FERMT1: variants seen among roughly 807,000 people sequenced by gnomAD.
FERMT1 encodes FERM domain containing kindlin 1, also known as fermitin family homolog 1.
In FERMT1, 60 loss-of-function variants were observed where a neutral mutation model predicts 85.3. That is an observed-to-expected ratio of 0.70 (90% CI 0.57 to 0.87). FERMT1 has a LOEUF of 0.87. Among genes scored for constraint, FERMT1 ranks in the 40% least tolerant of loss-of-function variants. The pLI, the probability that FERMT1 is intolerant of heterozygous loss-of-function variation, is 0.00. For missense variants in FERMT1, 701 were observed against 818.9 expected, an observed-to-expected ratio of 0.86 and a Z score of 1.76; for synonymous variants, 275 against 301.1, an observed-to-expected ratio of 0.91 and a Z score of 0.90.
At chr20:6,115,714 T>C (rs1261197349) in intron 3 of FERMT1, 97 bp downstream of exon 3, 1 of 915,838 alleles carries the variant, frequency 1.1e-6, no homozygotes, top group African/African-American at 1.6e-5. Flanking sequence ...GTGAGTGTTC[T>C]GTAGCAATTA....
At chr20:6,121,339 C>T (rs1182451148) in intron 1 of FERMT1, among the ~76,000 whole-genome samples, 1 of 152,194 alleles carries the variant, frequency 6.6e-6, no homozygotes, top group Non-Finnish European at 1.5e-5. Flanking sequence ...CCAGGCTGGT[C>T]TTGAACTCCT....
intron 2 of FERMT1, among the ~76,000 whole-genome samples, chr20:6,117,941 C>T (rs1018092723): frequency 6.6e-5 from 10 of 152,226 alleles, no homozygotes; most frequent in Admixed American, 3.9e-4. Flanking sequence ...GGATTACAGG[C>T]GTGAGCCACT....
Position 6,076,821 on chromosome 20 carries a change from A to T in FERMT1, c.*352T>A. The T allele has an allele frequency of 2.6e-6, 1 of 384,850 alleles. No homozygotes were observed. The highest frequency in any genetic ancestry group is 4.9e-6 in the Non-Finnish European group (1 of 203,582). 23.8% of individuals were successfully genotyped at this position (384,850 alleles called of 1,614,324 possible). On this transcript the variant is annotated 3_prime_UTR_variant, in exon 15 of 15. Transcript: ENST00000217289. ...TTTCTGTCTTCTCCATTGACTTAGTAATGAGACAGATCAGCACGAGGATAA... is the reference window on the plus strand; with the variant it reads ...TTTCTGTCTTCTCCATTGACTTAGTTATGAGACAGATCAGCACGAGGATAA...
intron 11 of FERMT1, among the ~76,000 whole-genome samples, chr20:6,086,823 C>G (rs747655799): frequency 1.3e-5 from 2 of 152,118 alleles, no homozygotes; most frequent in Non-Finnish European, 2.9e-5. Flanking sequence ...TGAGGCCTCC[C>G]CAGCCATGCC....
At chr20:6,078,277 A>C (rs1180568552) in intron 14 of FERMT1, among the ~76,000 whole-genome samples, 1 of 152,202 alleles carries the variant, frequency 6.6e-6, no homozygotes, top group Admixed American at 6.5e-5. Context: ...ACCGCCTTAG[A>C]GGTCATCTAA....
At chr20:6,084,007 A>C (rs375462501) in intron 13 of FERMT1, 33 bp downstream of exon 13, 2 of 1,613,854 alleles carry the variant, frequency 1.2e-6, no homozygotes, top group South Asian at 2.2e-5. Context: ...AATTGAATGG[A>C]AAGTGTGAGA....
In FERMT1 at chr20:6,084,073, A is replaced by G; in HGVS notation, c.1685T>C (p.Leu562Pro). The G allele has an allele frequency of 6.2e-7, 1 of 1,614,158 alleles. No homozygotes were observed. The highest frequency in any genetic ancestry group is 8.5e-7 in the Non-Finnish European group (1 of 1,180,014). The part of the protein sequence containing the change: ...KLRFIQAWQS[L>P]PEFGLTYYLV... ...GTAGTAGGTGAGGCCAAACTCAGGC[A>G]GTGACTGCCACGCCTGGATGAACCG... Residue 562 changes from leucine (L) to proline (P), a missense_variant, in exon 13 of 15, where the codon CTG becomes CCG. By Grantham distance (98) the Leu-to-Pro change is moderately conservative. Coordinates refer to ENST00000217289, the MANE Select transcript of FERMT1 (RefSeq NM_017671.5).
Position 6,077,077 on chromosome 20 carries a change from A to T in FERMT1, c.*96T>A. 8.3e-7 allele frequency: 1 copy of T among 1,201,322 alleles called. No homozygotes were observed. Among genetic ancestry groups the T allele is most frequent in the South Asian group, 1.2e-5 (1 of 82,276 alleles). 74.4% of individuals were successfully genotyped at this position (1,201,322 alleles called of 1,614,324 possible). Reference sequence around the variant, plus strand: ...CAGCGGTGAATGTATGTTGTCTGTTAGTCCAGAATCTACATGCTGGGCACG... The same window carrying T: ...CAGCGGTGAATGTATGTTGTCTGTTTGTCCAGAATCTACATGCTGGGCACG... On this transcript the variant is annotated 3_prime_UTR_variant, in exon 15 of 15. Transcript: ENST00000217289.
At chr20:6,086,929 C>G (rs1000234913) in intron 11 of FERMT1, among the ~76,000 whole-genome samples, 1 of 152,070 alleles carries the variant, frequency 6.6e-6, no homozygotes, top group Non-Finnish European at 1.5e-5. Context: ...GACTAATACA[C>G]CCCCCACCAC....
intron 12 of FERMT1, among the ~76,000 whole-genome samples, chr20:6,084,408 G>A (rs76797285): frequency 6.6e-6 from 1 of 152,240 alleles, no homozygotes; most frequent in African/African-American, 2.4e-5. Flanking sequence ...AGAGCTCTGG[G>A]GTCCCTCTGT....
At chr20:6,085,907 G>A (rs562496057) in intron 11 of FERMT1, among the ~76,000 whole-genome samples, 1 of 151,886 alleles carries the variant, frequency 6.6e-6, no homozygotes, top group Non-Finnish European at 1.5e-5. Flanking sequence ...TTGGGAGGCC[G>A]AGGCGGGTGG....
rs760256639 is a variant in FERMT1 at position 6,084,038 on chromosome 20, A to G, written c.1718+2T>C. The G allele has an allele frequency of 9.3e-6, 15 of 1,614,188 alleles. No homozygotes were observed. In the South Asian group the frequency reaches 1.5e-4, roughly 17 times the overall value. ...TGAGAAACAAGTGAACATTGTAATCACCTGACAAGGTAGTAGGTGAGGCCA... is the reference window on the plus strand; with the variant it reads ...TGAGAAACAAGTGAACATTGTAATCGCCTGACAAGGTAGTAGGTGAGGCCA... On this transcript the variant is annotated splice_donor_variant, in intron 13 of 14. Transcript: ENST00000217289. LOFTEE classifies it high-confidence loss of function.
chr20:6,117,121 C>T (rs1315819423), intron 2 of FERMT1, among the ~76,000 whole-genome samples: 1 of 152,188 alleles, frequency 6.6e-6, no homozygotes, highest in Non-Finnish European at 1.5e-5. Context: ...CAATCTTTCC[C>T]CTCCTTTAAC....
At chr20:6,081,937 C>T (rs78714507) in intron 13 of FERMT1, among the ~76,000 whole-genome samples, 2,385 of 152,300 alleles carry the variant, frequency 0.016, 27 homozygotes, top group Non-Finnish European at 0.024. Flanking sequence ...CCACTTCTTA[C>T]TCCACCCGCT....
chr20:6,099,830 T>TAAAA (rs112369032), intron 6 of FERMT1, among the ~76,000 whole-genome samples: 1 of 120,482 alleles, frequency 8.3e-6, no homozygotes, highest in Non-Finnish European at 1.8e-5. Context: ...TCACTGTTTC[T>TAAAA]AAAAAAAAAA....
rs1011868040 is a variant in FERMT1 at position 6,075,330 on chromosome 20, G to C, written c.*1843C>G. On this transcript the variant is annotated 3_prime_UTR_variant, in exon 15 of 15. Transcript: ENST00000217289. Reference sequence around the variant, plus strand: ...ATGTAGGACCAGTTATAATCTTAAAGAACTGACTAGGTTCTAAAATAATAG... The same window carrying C: ...ATGTAGGACCAGTTATAATCTTAAACAACTGACTAGGTTCTAAAATAATAG... The C allele has an allele frequency of 8.5e-5, 13 of 152,284 alleles. No individual in the cohort carries two copies. The highest frequency in any genetic ancestry group is 3.1e-4 in the African/African-American group (13 of 41,442). 9.4% of individuals were successfully genotyped at this position (152,284 alleles called of 1,614,324 possible).
chr20:6,094,892 A>G (rs753855187), intron 9 of FERMT1, 47 bp downstream of exon 9: 2 of 1,070,188 alleles, frequency 1.9e-6, no homozygotes, highest in African/African-American at 3.1e-5. Context: ...CTTTATCTTC[A>G]AGACTTTGTT....
chr20:6,112,415 T>C lies in FERMT1; in HGVS notation c.532+62A>G. On this transcript the variant is annotated intron_variant, in intron 4 of 14. Coordinates refer to ENST00000217289, the MANE Select transcript of FERMT1 (RefSeq NM_017671.5). ...TGTTTGGTGGGGGTGGGAGGAGAGA[T>C]ATATTTCTCTCTTGAGTTTTACTGT... 3.4e-6 allele frequency: 5 copies of C among 1,469,482 alleles called. No homozygotes were observed. The East Asian group carries it at 9.1e-5, about 27-fold the overall frequency. The allele number at this position is 1,469,482 out of a possible 1,614,324, so 91.0% of individuals were successfully genotyped here.
At position 6,077,344 on chromosome 20, in the gene FERMT1, C is replaced by T. The variant is rs1981856948; in HGVS notation, c.1863G>A (p.Val621=). 4 of 1,613,914 alleles carry T rather than the reference C, an allele frequency of 2.5e-6. No individual in the cohort carries two copies. The South Asian group carries it at 4.4e-5, about 18-fold the overall frequency. The change falls in exon 15 of 15, where the codon GTG becomes GTA. Residue 621 remains valine, a splice_region_variant and synonymous_variant. Coordinates refer to ENST00000217289, the MANE Select transcript of FERMT1 (RefSeq NM_017671.5). ...AGACGTTTTGGTCAAACTCGATGAC[C>T]ACCTGGAAGAGGAAGGCACAGAGAA... ...QWNVNWETRQ[V]VIEFDQNVFT...
Sources: allele counts gnomAD v4.1 joint callset (sites outside exome capture counted in the v4.1 genomes callset), GRCh38; gene constraint gnomAD v4.1.1; transcripts MANE v1.5; gene names NCBI Gene and HGNC (gene_info 2026-07-23, HGNC 2026-07-21).